GLI3: variants seen among roughly 807,000 people sequenced by gnomAD.
The protein encoded by GLI3 is transcription activator GLI3.
In GLI3, 20 loss-of-function variants were observed where a neutral mutation model predicts 100.8. The ratio of observed to expected loss-of-function variants is 0.20; its 90% CI spans 0.14 to 0.29. The LOEUF (loss-of-function observed/expected upper bound fraction) is 0.29, where lower values mean the gene tolerates loss of function less well. Among genes scored for constraint, GLI3 ranks in the 10% least tolerant of loss-of-function variants. GLI3 has a pLI of 1.00. For missense variants in GLI3, 2,040 were observed against 2,128.5 expected, an observed-to-expected ratio of 0.96 and a Z score of 0.82; for synonymous variants, 938 against 860.5, an observed-to-expected ratio of 1.09 and a Z score of -1.58.
At chr7:42,102,400 C>T (rs1785483908) in intron 3 of GLI3, among the ~76,000 whole-genome samples, 1 of 152,222 alleles carries the variant, frequency 6.6e-6, no homozygotes, top group Non-Finnish European at 1.5e-5. Flanking sequence ...CCCAGGGAGA[C>T]TCTCACGCCT....
chr7:42,183,420 G>C (rs1402709517), intron 2 of GLI3, among the ~76,000 whole-genome samples: 1 of 152,128 alleles, frequency 6.6e-6, no homozygotes, highest in Non-Finnish European at 1.5e-5. Context: ...GGGCAAATCA[G>C]GAAGGGGCCT....
chr7:42,198,929 CTTTTTT>C (rs34261962), intron 2 of GLI3, among the ~76,000 whole-genome samples: 4 of 146,100 alleles, frequency 2.7e-5, no homozygotes, highest in African/African-American at 1.0e-4. Context: ...GAAAAAGTTT[CTTTTTT>C]TTTTTTTTAA....
At chr7:42,118,784 A>G (rs962308408) in intron 3 of GLI3, among the ~76,000 whole-genome samples, 4 of 152,238 alleles carry the variant, frequency 2.6e-5, no homozygotes, top group African/African-American at 7.2e-5. Flanking sequence ...CACAGTAAGC[A>G]TAGAATGACA....
At chr7:42,116,810 A>G (rs1785869480) in intron 3 of GLI3, among the ~76,000 whole-genome samples, 1 of 152,174 alleles carries the variant, frequency 6.6e-6, no homozygotes, top group South Asian at 2.1e-4. Flanking sequence ...TTAACACGCC[A>G]TAATTTAATA....
intron 3 of GLI3, among the ~76,000 whole-genome samples, chr7:42,100,285 G>A (rs1428642942): frequency 1.3e-5 from 2 of 152,254 alleles, no homozygotes; most frequent in Non-Finnish European, 2.9e-5. Flanking sequence ...GCCTGGTGCA[G>A]TGGGTTGAAC....
Position 42,122,215 on chromosome 7 carries a change from A to T in GLI3, c.367+26011T>A, listed in dbSNP as rs1786019066. ...TTAATATATGTCATATATTATATAT[A>T]ATTTATATTTTATATATATGTATTT... On this transcript the variant is annotated intron_variant, in intron 3 of 14. Transcript: ENST00000395925. 2.0e-5 allele frequency among the ~76,000 whole-genome samples: 3 copies of T among 147,308 alleles called. No homozygotes were observed. The South Asian group carries it at 6.3e-4, about 31-fold the overall frequency.
At chr7:41,980,777 T>A (rs1182626402) in intron 10 of GLI3, among the ~76,000 whole-genome samples, 1 of 152,204 alleles carries the variant, frequency 6.6e-6, no homozygotes, top group African/African-American at 2.4e-5. Flanking sequence ...TAGTTCCCTG[T>A]TCTCTCTCAT....
chr7:42,148,981 G>A (rs1009214372), intron 2 of GLI3, among the ~76,000 whole-genome samples: 1 of 152,284 alleles, frequency 6.6e-6, no homozygotes, highest in African/African-American at 2.4e-5. Flanking sequence ...TGACCTATTA[G>A]GAAGCTATCC....
intron 4 of GLI3, among the ~76,000 whole-genome samples, chr7:42,064,065 T>G (rs370578799): frequency 1.5e-4 from 23 of 152,200 alleles, no homozygotes; most frequent in African/African-American, 4.3e-4. Flanking sequence ...GTCACACTGG[T>G]GGCTGCAGTA....
chr7:42,017,816 C>G (rs1052015702), intron 10 of GLI3, among the ~76,000 whole-genome samples: 1 of 152,198 alleles, frequency 6.6e-6, no homozygotes, highest in African/African-American at 2.4e-5. Flanking sequence ...CCCACTCAAC[C>G]CAGCGAAACA....
chr7:42,169,667 C>T (rs1787321053), intron 2 of GLI3, among the ~76,000 whole-genome samples: 1 of 151,956 alleles, frequency 6.6e-6, no homozygotes, highest in African/African-American at 2.4e-5. Context: ...AAAGGATGTT[C>T]ACTGAAACAA....
intron 10 of GLI3, among the ~76,000 whole-genome samples, chr7:41,992,966 C>T (rs2237427): frequency 0.72 from 109,784 of 152,060 alleles, 39,822 homozygotes; most frequent in African/African-American, 0.79. Context: ...ATATAGCACT[C>T]GAGTTTTAAG....
intron 10 of GLI3, among the ~76,000 whole-genome samples, chr7:42,005,198 T>G (rs1788419811): frequency 6.6e-6 from 1 of 152,156 alleles, no homozygotes; most frequent in South Asian, 2.1e-4. Context: ...TAACTGCTTT[T>G]GAAGGAATTA....
chr7:42,043,834 CTTTATTTGCAGATTT>C (rs1784191047), intron 6 of GLI3, among the ~76,000 whole-genome samples: 1 of 152,136 alleles, frequency 6.6e-6, no homozygotes, highest in African/African-American at 2.4e-5. Context: ...TATTTTAATT[CTTTATTTGCAGATTT>C]TAAATAACTG....
intron 13 of GLI3, among the ~76,000 whole-genome samples, chr7:41,970,330 A>G (rs1206986631): frequency 6.6e-6 from 1 of 152,120 alleles, no homozygotes; most frequent in Non-Finnish European, 1.5e-5. Context: ...TTTATTAGTA[A>G]ATGTCTGTGA....
chr7:42,241,102 C>T (rs994607025), upstream of GLI3, among the ~76,000 whole-genome samples: 1 of 152,056 alleles, frequency 6.6e-6, no homozygotes, highest in African/African-American at 2.4e-5. Flanking sequence ...TTTTTATTGA[C>T]AAAAAAGTCC....
chr7:42,162,889 TTC>T (rs558949985), intron 2 of GLI3, among the ~76,000 whole-genome samples: 15 of 151,932 alleles, frequency 9.9e-5, no homozygotes, highest in Non-Finnish European at 2.2e-4. Context: ...GGAAATTCAT[TTC>T]TGTTTCCCTT....
chr7:41,981,244 A>G (rs1787659328), intron 10 of GLI3, among the ~76,000 whole-genome samples: 4 of 152,232 alleles, frequency 2.6e-5, no homozygotes, highest in Admixed American at 2.6e-4. Flanking sequence ...GCGAGAAGGC[A>G]TGAGTTTTCT....
intron 5 of GLI3, among the ~76,000 whole-genome samples, chr7:42,046,896 C>T (rs1190430961): frequency 1.3e-5 from 2 of 152,170 alleles, no homozygotes; most frequent in African/African-American, 4.8e-5. Context: ...TGGCTCATGC[C>T]TGTAATCCCA....
Sources: gnomAD v4.1 joint callset for allele counts (sites outside exome capture counted in the v4.1 genomes callset) on GRCh38, gnomAD v4.1.1 for gene constraint, MANE v1.5 for transcripts, NCBI Gene and HGNC (gene_info 2026-07-23, HGNC 2026-07-21) for gene names.